The following TNPO2 variants were observed in gnomAD, a reference collection of about 807,000 sequenced individuals.
TNPO2 encodes the protein transportin-2.
TNPO2 carries 16 observed loss-of-function variants against 111.1 expected under a neutral mutation model. That is an observed-to-expected ratio of 0.14 (90% CI 0.10 to 0.22). The LOEUF is 0.22. Ranked by LOEUF, TNPO2 falls within the 10% of genes least tolerant of loss-of-function variation. The pLI is 1.00. For synonymous variants in TNPO2, 481 were observed against 475.8 expected, an observed-to-expected ratio of 1.01 and a Z score of -0.14; for missense variants, 530 against 1,173.7, an observed-to-expected ratio of 0.45 and a Z score of 8.01.
In TNPO2 at chr19:12,721,725, T is replaced by C. The variant is rs1966967164; in HGVS notation, c.-13-735A>G. 1 of 207,472 alleles carries C rather than the reference T, an allele frequency of 4.8e-6. No individual in the cohort carries two copies. The highest frequency in any genetic ancestry group is 2.4e-5 in the African/African-American group (1 of 41,580). 12.9% of individuals were successfully genotyped at this position (207,472 alleles called of 1,614,324 possible). On this transcript the variant is annotated intron_variant, in intron 2 of 25. Coordinates refer to ENST00000425528, the MANE Select transcript of TNPO2 (RefSeq NM_001382241.1). This position sits in a 1 kb window ranked among gnomAD's most constrained non-coding sequence, Gnocchi z 4.9. ...CCAGCCAAGCCCGGCCAACCCACTA[T>C]AGGAGCCCCCTGGACCGATCCCAGT...
chr19:12,701,200 G>A lies in TNPO2; in HGVS notation c.*64C>T. 1.6e-6 allele frequency: 1 copy of A among 637,150 alleles called. No individual in the cohort carries two copies. The highest frequency in any genetic ancestry group is 2.0e-5 in the South Asian group (1 of 50,508). The allele number at this position is 637,150 out of a possible 1,614,324, so 39.5% of individuals were successfully genotyped here. A position where few individuals can be genotyped will look rare whatever the true frequency, so the allele number is the denominator to read the frequency against. ...CAGGGCACAGCGACTTCCGGATGCA[G>A]CGCACTCCCCAGTAATCCCTCCGAC... On this transcript the variant is annotated 3_prime_UTR_variant, in exon 26 of 26. Coordinates refer to ENST00000425528, the MANE Select transcript of TNPO2 (RefSeq NM_001382241.1). The surrounding 1 kb of genome is among the most constrained non-coding windows in gnomAD (Gnocchi z 5.0).
chr19:12,718,322 C>T (rs543751011), intron 5 of TNPO2, among the ~76,000 whole-genome samples: 11 of 152,244 alleles, frequency 7.2e-5, no homozygotes, highest in East Asian at 5.8e-4. Flanking sequence ...AGTGCCACCA[C>T]GCCCAGCTAA....
rs1268345950 is a variant in TNPO2, at chr19:12,706,965, AAAC to A, written c.1271-173_1271-171del. On this transcript the variant is annotated intron_variant, in intron 13 of 25. Coordinates refer to ENST00000425528, the MANE Select transcript of TNPO2 (RefSeq NM_001382241.1). The surrounding 1 kb of genome is among the most constrained non-coding windows in gnomAD (Gnocchi z 7.0). ...CAGGTAAAGGCAGGCACAGGAGGGGAAACAACAGAAGCCTCTCATCCCAAAGCC... is the reference window on the plus strand; with the variant it reads ...CAGGTAAAGGCAGGCACAGGAGGGGAAACAGAAGCCTCTCATCCCAAAGCC... Among the ~76,000 whole-genome samples the A allele has an allele frequency of 2.0e-5, 3 of 152,166 alleles. No homozygotes were observed. Among genetic ancestry groups the A allele is most frequent in the Admixed American group, 6.5e-5 (1 of 15,278 alleles).
At chr19:12,703,672 C>T (rs776473437) in intron 19 of TNPO2, 42 bp downstream of exon 19, 25 of 1,597,818 alleles carry the variant, frequency 1.6e-5, no homozygotes, top group Admixed American at 7.0e-5. Context: ...CACTTGAGGC[C>T]GGGGCTGGGG....
At position 12,705,839 on chromosome 19, in the gene TNPO2, C is replaced by T. The variant is rs751242380; in HGVS notation, c.1669-71G>A. 2.9e-5 allele frequency: 34 copies of T among 1,162,822 alleles called. No individual in the cohort carries two copies. The highest frequency in any genetic ancestry group is 5.2e-5 in the East Asian group (2 of 38,518). The allele number at this position is 1,162,822 out of a possible 1,614,324, so 72.0% of individuals were successfully genotyped here. ...GACTGTGACTCAGGTACCTGTTGCC[C>T]GAGTGATGAGGCCTGAGCGCCTCAC... On this transcript the variant is annotated intron_variant, in intron 15 of 25. Coordinates refer to ENST00000425528, the MANE Select transcript of TNPO2 (RefSeq NM_001382241.1). This position sits in a 1 kb window ranked among gnomAD's most constrained non-coding sequence, Gnocchi z 7.2.
chr19:12,711,347 C>T lies in TNPO2; in HGVS notation c.1066G>A (p.Glu356Lys), dbSNP rs763419626. Residue 356 changes from glutamate (E) to lysine (K), a missense_variant, in exon 12 of 26, where the codon GAG becomes AAG. Around this residue, in one of 4 missense-constraint regions of TNPO2, gnomAD observed 88 missense variants for 130.2 expected, o/e 0.68. Coordinates refer to ENST00000425528, the MANE Select transcript of TNPO2 (RefSeq NM_001382241.1). ...PHEAERPDGS[E>K]DAEDDDDDDA... ...TCATCATCGTCATCCTCCGCGTCCT[C>T]GGAGCCATCAGGCCGCTCAGCCTCG... 5.0e-6 allele frequency: 8 copies of T among 1,614,026 alleles called. No homozygotes were observed. Among genetic ancestry groups the T allele is most frequent in the Non-Finnish European group, 6.8e-6 (8 of 1,179,902 alleles).
chr19:12,721,429 G>A lies in TNPO2; in HGVS notation c.-13-439C>T. Reference sequence around the variant, plus strand: ...GGCCCCCGTGGTCTCTTCTATGCAGGCACAGTCCCTGAAGAGTCCCCTTCC... The same window carrying A: ...GGCCCCCGTGGTCTCTTCTATGCAGACACAGTCCCTGAAGAGTCCCCTTCC... On this transcript the variant is annotated intron_variant, in intron 2 of 25. Transcript: ENST00000425528. The surrounding 1 kb of genome is among the most constrained non-coding windows in gnomAD (Gnocchi z 4.9). The A allele has an allele frequency of 1.7e-6, 1 of 602,096 alleles. No individual in the cohort carries two copies. Among genetic ancestry groups the A allele is most frequent in the Non-Finnish European group, 2.7e-6 (1 of 365,822 alleles). 37.3% of individuals were successfully genotyped at this position (602,096 alleles called of 1,614,324 possible). A position where few individuals can be genotyped will look rare whatever the true frequency, so the allele number is the denominator to read the frequency against.
chr19:12,715,879 T>C lies in TNPO2; in HGVS notation c.326-140A>G, dbSNP rs2026336308. ...TCTACATCCCCCCTCCTTTTTTTTT[T>C]CTTTGTAAGAGATAGAATTAGCTCT... On this transcript the variant is annotated intron_variant, in intron 5 of 25. Transcript: ENST00000425528. This position sits in a 1 kb window ranked among gnomAD's most constrained non-coding sequence, Gnocchi z 7.1. 1 of 661,884 alleles carries C rather than the reference T, an allele frequency of 1.5e-6. No individual in the cohort carries two copies. Among genetic ancestry groups the C allele is most frequent in the East Asian group, 2.7e-5 (1 of 36,524 alleles). 41.0% of individuals were successfully genotyped at this position (661,884 alleles called of 1,614,324 possible).
rs1434426521 is a variant in TNPO2, at chr19:12,699,227, C to G, written c.*2037G>C. 2.3e-6 allele frequency: 1 copy of G among 428,312 alleles called. No homozygotes were observed. Among genetic ancestry groups the G allele is most frequent in the Non-Finnish European group, 4.7e-6 (1 of 213,890 alleles). The allele number at this position is 428,312 out of a possible 1,614,324, so 26.5% of individuals were successfully genotyped here. A position where few individuals can be genotyped will look rare whatever the true frequency, so the allele number is the denominator to read the frequency against. On this transcript the variant is annotated 3_prime_UTR_variant, in exon 26 of 26. Coordinates refer to ENST00000425528, the MANE Select transcript of TNPO2 (RefSeq NM_001382241.1). ...TCACAAGAAACTGATCTTTACTCAA[C>G]AAAGTTCTACACAAGTGGAATCTCA...
rs1215412782 is a variant in TNPO2 at position 12,701,247 on chromosome 19, C to A, written c.*21-4G>T. ...CGACGACGACGCAGACAGAAACCTGCAGGGGGAGGAGGAAGGTCATGGCCT... is the reference window on the plus strand; with the variant it reads ...CGACGACGACGCAGACAGAAACCTGAAGGGGGAGGAGGAAGGTCATGGCCT... On this transcript the variant is annotated splice_polypyrimidine_tract_variant and splice_region_variant and intron_variant, in intron 25 of 25. Transcript: ENST00000425528. The surrounding 1 kb of genome is among the most constrained non-coding windows in gnomAD (Gnocchi z 5.0). 3 of 937,248 alleles carry A rather than the reference C, an allele frequency of 3.2e-6. No homozygotes were observed. Among genetic ancestry groups the A allele is most frequent in the African/African-American group, 1.7e-5 (1 of 59,694 alleles). The allele number at this position is 937,248 out of a possible 1,614,324, so 58.1% of individuals were successfully genotyped here.
Position 12,706,859 on chromosome 19 carries a change from G to A in TNPO2, c.1271-64C>T. The A allele has an allele frequency of 7.3e-7, 1 of 1,364,826 alleles. No homozygotes were observed. The allele number at this position is 1,364,826 out of a possible 1,614,324, so 84.5% of individuals were successfully genotyped here. On this transcript the variant is annotated intron_variant, in intron 13 of 25. Coordinates refer to ENST00000425528, the MANE Select transcript of TNPO2 (RefSeq NM_001382241.1). This position sits in a 1 kb window ranked among gnomAD's most constrained non-coding sequence, Gnocchi z 7.0. Reference sequence around the variant, plus strand: ...GGCCCAGCCACACCCACCGTATGGAGAGAAGAGTCAGCCGCACACAACATA... The same window carrying A: ...GGCCCAGCCACACCCACCGTATGGAAAGAAGAGTCAGCCGCACACAACATA...
In TNPO2 at chr19:12,701,602, T is replaced by A. The variant is rs761792128; in HGVS notation, c.2582A>T (p.Tyr861Phe). The A allele has an allele frequency of 3.7e-6, 6 of 1,613,474 alleles. No homozygotes were observed. In the East Asian group the frequency reaches 1.1e-4, roughly 30 times the overall value. ...AGGGCCCAGACAGAGCCTCACCTTA[T>A]AAAACATGTCCCGAAGGTCATCCTT... The part of the protein sequence containing the change: ...SPKDDLRDMF[Y>F]KILHGFKDQV... The change falls in exon 24 of 26, where the codon TAT (tyrosine) becomes TTT (phenylalanine). Residue 861 changes from tyrosine to phenylalanine, a missense_variant. By Grantham distance (22) the Tyr-to-Phe change is conservative (BLOSUM62 3). Transcript: ENST00000425528. This position sits in a 1 kb window ranked among gnomAD's most constrained non-coding sequence, Gnocchi z 5.0.
Position 12,701,101 on chromosome 19 carries a change from TGGACGGAC to T in TNPO2, c.*155_*162del, listed in dbSNP as rs373243036. 87 of 451,186 alleles carry T rather than the reference TGGACGGAC, an allele frequency of 1.9e-4. No individual in the cohort carries two copies. The highest frequency in any genetic ancestry group is 6.0e-4 in the Middle Eastern group (1 of 1,674). 27.9% of individuals were successfully genotyped at this position (451,186 alleles called of 1,614,324 possible). A position where few individuals can be genotyped will look rare whatever the true frequency, so the allele number is the denominator to read the frequency against. On this transcript the variant is annotated 3_prime_UTR_variant, in exon 26 of 26. Coordinates refer to ENST00000425528, the MANE Select transcript of TNPO2 (RefSeq NM_001382241.1). This position sits in a 1 kb window ranked among gnomAD's most constrained non-coding sequence, Gnocchi z 5.0. ...CCTGCCAGGAGGGCAAGTGGACGGA[TGGACGGAC>T]GGACGGACGGACGGGGAAGGCATCT...
chr19:12,713,637 C>T (rs978814146), intron 10 of TNPO2, among the ~76,000 whole-genome samples: 3 of 152,104 alleles, frequency 2.0e-5, no homozygotes, highest in African/African-American at 7.2e-5. Flanking sequence ...ACCCGAGGGG[C>T]GGAGGTTGCA....
intron 2 of TNPO2, among the ~76,000 whole-genome samples, chr19:12,722,832 G>A (rs1352068839): frequency 6.6e-6 from 1 of 152,128 alleles, no homozygotes; most frequent in East Asian, 1.9e-4. Context: ...TGACCTGACC[G>A]CAAGCTCTTT....
chr19:12,706,544 C>T lies in TNPO2; in HGVS notation c.1496+26G>A. ...GAGGGTGGCCGGGGGAGAGTGGGGG[C>T]TGTGGGATCAGGGGTCCAGGGTCAC... On this transcript the variant is annotated intron_variant, in intron 14 of 25. Coordinates refer to ENST00000425528, the MANE Select transcript of TNPO2 (RefSeq NM_001382241.1). The surrounding 1 kb of genome is among the most constrained non-coding windows in gnomAD (Gnocchi z 7.0). The T allele has an allele frequency of 6.2e-7, 1 of 1,611,242 alleles. No individual in the cohort carries two copies. Among genetic ancestry groups the T allele is most frequent in the South Asian group, 1.1e-5 (1 of 91,018 alleles).
chr19:12,703,396 G>A (rs1009726782), intron 20 of TNPO2, 32 bp downstream of exon 20: 13 of 1,594,414 alleles, frequency 8.2e-6, no homozygotes, highest in African/African-American at 1.3e-5. Flanking sequence ...AGGCTAATGG[G>A]GGGCGCGTGT....
At position 12,701,100 on chromosome 19, in the gene TNPO2, A is replaced by C; in HGVS notation, c.*164T>G. On this transcript the variant is annotated 3_prime_UTR_variant, in exon 26 of 26. Coordinates refer to ENST00000425528, the MANE Select transcript of TNPO2 (RefSeq NM_001382241.1). This position sits in a 1 kb window ranked among gnomAD's most constrained non-coding sequence, Gnocchi z 5.0. ...ACCTGCCAGGAGGGCAAGTGGACGG[A>C]TGGACGGACGGACGGACGGACGGGG... The C allele has an allele frequency of 2.3e-6, 1 of 437,316 alleles. No homozygotes were observed. The allele number at this position is 437,316 out of a possible 1,614,324, so 27.1% of individuals were successfully genotyped here.
At position 12,721,299 on chromosome 19, in the gene TNPO2, AC is replaced by A. The variant is rs765552448; in HGVS notation, c.-13-310del. The stretch of plus-strand genomic sequence containing the variant: ...CGTCCCAGGGTGGCCCATGCCGCTG[AC>A]CCCGGCTCCGAGCCCGAAGGCTTCC... On this transcript the variant is annotated intron_variant, in intron 2 of 25. Transcript: ENST00000425528. The surrounding 1 kb of genome is among the most constrained non-coding windows in gnomAD (Gnocchi z 4.9). 1.1e-5 allele frequency: 14 copies of A among 1,280,282 alleles called. No homozygotes were observed. The South Asian group carries it at 1.7e-4, about 16-fold the overall frequency. The allele number at this position is 1,280,282 out of a possible 1,614,324, so 79.3% of individuals were successfully genotyped here.
Sources: gnomAD v4.1 joint callset for allele counts (sites outside exome capture counted in the v4.1 genomes callset) on GRCh38, gnomAD v4.1.1 for gene constraint, gnomAD v4.1.1 regional missense constraint, Gnocchi (gnomAD v3.1) non-coding constraint, MANE v1.5 for transcripts, NCBI Gene and HGNC (gene_info 2026-07-23, HGNC 2026-07-21) for gene names.